TENM4: variants seen among roughly 807,000 people sequenced by gnomAD.
The protein encoded by TENM4 is teneurin-4.
TENM4 carries 82 observed loss-of-function variants against 243.3 expected under a neutral mutation model. That is an observed-to-expected ratio of 0.34 (90% confidence interval 0.28 to 0.40). The LOEUF (loss-of-function observed/expected upper bound fraction) is 0.40. Among genes scored for constraint, TENM4 ranks in the 10% least tolerant of loss-of-function variants. The pLI, the probability that TENM4 is intolerant of heterozygous loss-of-function variation, is 1.00. For synonymous variants in TENM4, 1,412 were observed against 1,456.3 expected (o/e 0.97, Z 0.69); for missense variants, 3,138 against 3,673.3 (o/e 0.85, Z 3.77).
intron 3 of TENM4, among the ~76,000 whole-genome samples, chr11:79,196,702 C>T (rs1863634623): frequency 6.6e-6 from 1 of 152,182 alleles, no homozygotes; most frequent in African/African-American, 2.4e-5. Context: ...AACAGGGCCT[C>T]AGTCACACTT....
chr11:78,747,600 C>A (rs1856079321), intron 19 of TENM4, among the ~76,000 whole-genome samples: 2 of 152,148 alleles, frequency 1.3e-5, no homozygotes, highest in Non-Finnish European at 2.9e-5. Context: ...GATCTCTCCC[C>A]TCTAGCAAAA....
At chr11:79,212,842 G>A (rs903334973) in intron 3 of TENM4, among the ~76,000 whole-genome samples, 1 of 152,142 alleles carries the variant, frequency 6.6e-6, no homozygotes, top group African/African-American at 2.4e-5. Context: ...CAGCCGTTAA[G>A]CAGGAGGAGG....
At chr11:79,347,929 G>A (rs1237782473) in intron 1 of TENM4, among the ~76,000 whole-genome samples, 3 of 151,610 alleles carry the variant, frequency 2.0e-5, no homozygotes, top group African/African-American at 7.3e-5. Context: ...ACAGGCGCCC[G>A]CCACCGCGCC....
chr11:78,874,772 A>G (rs1859224657), intron 9 of TENM4, among the ~76,000 whole-genome samples: 1 of 152,188 alleles, frequency 6.6e-6, no homozygotes, highest in African/African-American at 2.4e-5. Flanking sequence ...ACTCCATTCT[A>G]CAGATGATCT....
chr11:78,660,213 C>T (rs185658896), intron 33 of TENM4, among the ~76,000 whole-genome samples: 12 of 152,292 alleles, frequency 7.9e-5, no homozygotes, highest in South Asian at 6.2e-4. Flanking sequence ...AGCAGAAAGA[C>T]GATGGGCTCT....
At chr11:79,362,440 C>T (rs1857606353) in intron 1 of TENM4, among the ~76,000 whole-genome samples, 1 of 152,178 alleles carries the variant, frequency 6.6e-6, no homozygotes, top group South Asian at 2.1e-4. Flanking sequence ...CCTCATGGAC[C>T]TAAAATATAA....
At chr11:78,770,956 G>A in intron 18 of TENM4, 36 bp downstream of exon 18, 1 of 1,561,020 alleles carries the variant, frequency 6.4e-7, no homozygotes. Context: ...CCCACCCTCT[G>A]GAGCCGCCTG....
At chr11:78,805,519 G>T in intron 14 of TENM4, 27 bp from the exon 15 acceptor site, 2 of 1,554,564 alleles carry the variant, frequency 1.3e-6, no homozygotes, top group Non-Finnish European at 1.7e-6. Context: ...GGAGAACATA[G>T]GTAAGCATCT....
At chr11:78,977,287 A>C (rs553670805) in intron 6 of TENM4, among the ~76,000 whole-genome samples, 1 of 152,332 alleles carries the variant, frequency 6.6e-6, no homozygotes, top group East Asian at 1.9e-4. Context: ...TTACATCTGC[A>C]ACAACACTGT....
At chr11:79,428,566 T>G (rs1174821984) in intron 1 of TENM4, among the ~76,000 whole-genome samples, 1 of 152,004 alleles carries the variant, frequency 6.6e-6, no homozygotes, top group Non-Finnish European at 1.5e-5. Context: ...AGCCCAGAAG[T>G]GAACAGAAAA....
At chr11:79,021,994 T>TGGCTCAATC (rs1858942498) in intron 6 of TENM4, among the ~76,000 whole-genome samples, 1 of 152,136 alleles carries the variant, frequency 6.6e-6, no homozygotes. Context: ...GCAGACAATT[T>TGGCTCAATC]GGCTCAATCG....
intron 10 of TENM4, among the ~76,000 whole-genome samples, chr11:78,862,761 C>T (rs559173704): frequency 6.6e-5 from 10 of 152,170 alleles, no homozygotes; most frequent in East Asian, 1.9e-4. Flanking sequence ...GAGCCTCCCA[C>T]GAACTCTCAG....
intron 30 of TENM4, 117 bp from the exon 31 acceptor site, chr11:78,672,446 G>T: frequency 9.5e-7 from 1 of 1,052,796 alleles, no homozygotes; most frequent in Non-Finnish European, 1.4e-6. Context: ...AGGGAGCACA[G>T]TCCTGCGCAG....
chr11:79,134,204 C>G (rs762882233), intron 4 of TENM4, among the ~76,000 whole-genome samples: 1 of 152,020 alleles, frequency 6.6e-6, no homozygotes, highest in Admixed American at 6.6e-5. Flanking sequence ...ACACCAACAG[C>G]GACCAAGTGG....
intron 4 of TENM4, among the ~76,000 whole-genome samples, chr11:79,132,303 G>A (rs557044850): frequency 2.6e-4 from 34 of 132,918 alleles, no homozygotes; most frequent in African/African-American, 8.6e-4. Context: ...CTGAGATAGC[G>A]CCACTGCAGT....
At chr11:79,405,083 A>AT (rs1015157868) in intron 1 of TENM4, among the ~76,000 whole-genome samples, 1 of 152,142 alleles carries the variant, frequency 6.6e-6, no homozygotes, top group Non-Finnish European at 1.5e-5. Flanking sequence ...TCAGAATTAC[A>AT]TTTTTTACAG....
intron 32 of TENM4, among the ~76,000 whole-genome samples, chr11:78,662,676 G>A (rs1485954630): frequency 6.6e-6 from 1 of 152,182 alleles, no homozygotes. Flanking sequence ...AGGAAATGAA[G>A]AGGACCAGTC....
At chr11:78,906,995 T>C (rs1237358538) in intron 6 of TENM4, among the ~76,000 whole-genome samples, 6 of 152,302 alleles carry the variant, frequency 3.9e-5, no homozygotes, top group African/African-American at 7.2e-5. Flanking sequence ...TGCTAGACCA[T>C]GGGTCTATGC....
chr11:78,817,409 T>C (rs1451819945), intron 12 of TENM4, among the ~76,000 whole-genome samples: 1 of 152,166 alleles, frequency 6.6e-6, no homozygotes. Context: ...AACACAGAGT[T>C]AAGAACAAGA....
Sources: allele counts gnomAD v4.1 joint callset (sites outside exome capture counted in the v4.1 genomes callset), GRCh38; gene constraint gnomAD v4.1.1; transcripts MANE v1.5; gene names NCBI Gene and HGNC (gene_info 2026-07-23, HGNC 2026-07-21).